Variants in FBXW11 observed in about 807,000 individuals in gnomAD.
FBXW11 encodes the protein F-box and WD repeat domain containing 11, also known as F-box/WD repeat-containing protein 11.
In FBXW11, 19 loss-of-function variants were observed where a neutral mutation model predicts 77.6. The ratio of observed to expected loss-of-function variants is 0.24; its 90% CI spans 0.17 to 0.36. The LOEUF (loss-of-function observed/expected upper bound fraction) is 0.36, where lower values mean the gene tolerates loss of function less well. Among genes scored for constraint, FBXW11 ranks in the 10% least tolerant of loss-of-function variants. The probability of loss-of-function intolerance (pLI) is 1.00; values close to 1 mark genes in which losing one functional copy is unlikely to be tolerated. For synonymous variants in FBXW11, 235 were observed against 249.4 expected (o/e 0.94, Z 0.54); for missense variants, 334 against 704.2 (o/e 0.47, Z 5.95).
intron 1 of FBXW11, chr5:172,003,445 T>C (rs1766539569): frequency 6.6e-6 from 1 of 152,218 alleles, no homozygotes; most frequent in South Asian, 2.1e-4. Flanking sequence ...AATGAATTAC[T>C]AGTTTTCTGC....
At chr5:171,992,111 T>C (rs184294535) in intron 1 of FBXW11, among the ~76,000 whole-genome samples, 132 of 136,532 alleles carry the variant, frequency 9.7e-4, no homozygotes, top group African/African-American at 3.5e-3. Flanking sequence ...TGAGACTCCA[T>C]CTTAAAAAGA....
chr5:171,996,077 T>C (rs1489135381), intron 1 of FBXW11, among the ~76,000 whole-genome samples: 1 of 152,198 alleles, frequency 6.6e-6, no homozygotes, highest in Non-Finnish European at 1.5e-5. Context: ...AAGTAATATA[T>C]GTAAAGTGCA....
chr5:171,891,390 T>C (rs1338162689), intron 7 of FBXW11, 77 bp downstream of exon 7: 2 of 1,363,342 alleles, frequency 1.5e-6, no homozygotes, highest in Admixed American at 2.4e-5. Context: ...CTAGAGTAAA[T>C]GGAAAGATTG....
At position 171,957,559 on chromosome 5, in the gene FBXW11, CG is replaced by C. The variant is rs753457020; in HGVS notation, c.147+37del. Reference sequence around the variant, plus strand: ...AGTTTCAACAAATGTTCATGGCATACGTAAAAACACATTTACAACAAGAAAG... The same window carrying C: ...AGTTTCAACAAATGTTCATGGCATACTAAAAACACATTTACAACAAGAAAG... On this transcript the variant is annotated intron_variant, in intron 2 of 13. Coordinates refer to ENST00000517395, the MANE Select transcript of FBXW11 (RefSeq NM_001378974.1). 2.6e-6 allele frequency: 4 copies of C among 1,531,240 alleles called. No individual in the cohort carries two copies. In the African/African-American group the frequency reaches 5.5e-5, roughly 21 times the overall value. The allele number at this position is 1,531,240 out of a possible 1,614,324, so 94.9% of individuals were successfully genotyped here.
chr5:171,984,651 T>G (rs1313875149), intron 1 of FBXW11, among the ~76,000 whole-genome samples: 1 of 152,226 alleles, frequency 6.6e-6, no homozygotes, highest in Non-Finnish European at 1.5e-5. Context: ...TTCACTATCC[T>G]TTTAACTTCT....
chr5:171,944,564 G>A (rs1239538950), intron 2 of FBXW11, among the ~76,000 whole-genome samples: 1 of 102,160 alleles, frequency 9.8e-6, no homozygotes. Flanking sequence ...GCGACAGCGA[G>A]ACTCCATCTC....
intron 2 of FBXW11, among the ~76,000 whole-genome samples, chr5:171,919,544 G>C (rs1364947862): frequency 6.6e-6 from 1 of 152,190 alleles, no homozygotes; most frequent in African/African-American, 2.4e-5. Context: ...TTATCAAGTA[G>C]CTCCAAAGAA....
intron 6 of FBXW11, among the ~76,000 whole-genome samples, chr5:171,898,326 C>A (rs1759886114): frequency 6.6e-6 from 1 of 152,278 alleles, no homozygotes; most frequent in South Asian, 2.1e-4. Context: ...AGTGAAGTAA[C>A]CAAGACCTGC....
chr5:171,932,732 C>G (rs1437353392), intron 2 of FBXW11, among the ~76,000 whole-genome samples: 1 of 151,986 alleles, frequency 6.6e-6, no homozygotes, highest in Non-Finnish European at 1.5e-5. Flanking sequence ...CTAATATCCA[C>G]AGAAAAACCT....
chr5:171,948,438 TA>T (rs946360886), intron 2 of FBXW11, among the ~76,000 whole-genome samples: 13 of 149,028 alleles, frequency 8.7e-5, no homozygotes, highest in Non-Finnish European at 1.8e-4. Flanking sequence ...TCTCTGCCAT[TA>T]AAAAAAAAGT....
intron 2 of FBXW11, among the ~76,000 whole-genome samples, chr5:171,918,142 C>T (rs1244096308): frequency 1.3e-5 from 2 of 151,950 alleles, no homozygotes. Context: ...TCTTTCTCAG[C>T]CTGCTACAGG....
intron 2 of FBXW11, among the ~76,000 whole-genome samples, chr5:171,939,018 G>A (rs962122020): frequency 8.0e-5 from 12 of 150,318 alleles, no homozygotes; most frequent in Non-Finnish European, 1.6e-4. Context: ...GGTGGATCAC[G>A]AGGTCAGGAG....
intron 3 of FBXW11, among the ~76,000 whole-genome samples, chr5:171,913,832 C>CACACAT (rs758638591): frequency 0.21 from 26,828 of 128,798 alleles, 3,098 homozygotes; most frequent in Admixed American, 0.25. Flanking sequence ...CACACACACA[C>CACACAT]ACACACACAC....
chr5:171,955,143 C>A (rs193245531), intron 2 of FBXW11, among the ~76,000 whole-genome samples: 1 of 152,184 alleles, frequency 6.6e-6, no homozygotes, highest in African/African-American at 2.4e-5. Context: ...CCCTTCTAGA[C>A]GATGGTAGAA....
chr5:171,977,779 G>A (rs927264065), intron 1 of FBXW11: 2 of 329,004 alleles, frequency 6.1e-6, no homozygotes, highest in Admixed American at 8.0e-5. Flanking sequence ...GATCTCGTGA[G>A]ACTTATTCAC....
intron 4 of FBXW11, among the ~76,000 whole-genome samples, chr5:171,909,112 T>A (rs988513595): frequency 1.1e-4 from 17 of 152,162 alleles, no homozygotes; most frequent in Non-Finnish European, 1.6e-4. Context: ...GAGAATTTTT[T>A]AAAAAACAAT....
At chr5:171,933,835 T>G (rs1163358661) in intron 2 of FBXW11, among the ~76,000 whole-genome samples, 1 of 151,962 alleles carries the variant, frequency 6.6e-6, no homozygotes, top group Non-Finnish European at 1.5e-5. Context: ...TAGAGACACA[T>G]GCAATTTTCA....
chr5:171,877,600 G>A (rs1758180704), intron 8 of FBXW11, among the ~76,000 whole-genome samples: 1 of 152,038 alleles, frequency 6.6e-6, no homozygotes, highest in Non-Finnish European at 1.5e-5. Flanking sequence ...GGCAGAAGCA[G>A]GGGTACGGAA....
rs1396024627 is a variant in FBXW11, at chr5:171,863,965, A to G, written c.*162T>C. On this transcript the variant is annotated 3_prime_UTR_variant, in exon 14 of 14. Transcript: ENST00000517395. ...GGAGAGCCGGAATCAGAGGTGAGAA[A>G]TGTCGGTACTTGAAGAGTTAGGCTG... The G allele has an allele frequency of 1.3e-5, 2 of 152,184 alleles. No homozygotes were observed. Among genetic ancestry groups the G allele is most frequent in the Admixed American group, 1.3e-4 (2 of 15,276 alleles). 9.4% of individuals were successfully genotyped at this position (152,184 alleles called of 1,614,324 possible). A position where few individuals can be genotyped will look rare whatever the true frequency, so the allele number is the denominator to read the frequency against.
Sources: allele counts gnomAD v4.1 joint callset (sites outside exome capture counted in the v4.1 genomes callset), GRCh38; gene constraint gnomAD v4.1.1; transcripts MANE v1.5; gene names NCBI Gene and HGNC (gene_info 2026-07-23, HGNC 2026-07-21).